The following TCF12 variants were observed in gnomAD, a reference collection of about 807,000 sequenced individuals.
The protein encoded by TCF12 is DNA-binding protein HTF4.
TCF12 carries 45 observed loss-of-function variants against 86.0 expected under a neutral mutation model. That is an observed-to-expected ratio of 0.52 (90% CI 0.41 to 0.67). The LOEUF is 0.67. TCF12 is among the 30% of genes least tolerant of loss of function. TCF12 has a pLI of 0.00. For missense variants in TCF12, 881 were observed against 859.9 expected (o/e 1.02, Z -0.31); for synonymous variants, 330 against 299.6 (o/e 1.10, Z -1.05).
chr15:57,260,735 T>C (rs935232023), intron 16 of TCF12, among the ~76,000 whole-genome samples: 1 of 152,210 alleles, frequency 6.6e-6, no homozygotes, highest in Non-Finnish European at 1.5e-5. Flanking sequence ...CATATCTATT[T>C]TTATAAAATG....
At chr15:57,247,682 A>G (rs2059926724) in intron 13 of TCF12, 1 of 752,616 alleles carries the variant, frequency 1.3e-6, no homozygotes, top group Admixed American at 1.7e-5. Context: ...CCTCACTGTT[A>G]GATGGGCACC....
chr15:56,957,440 G>C (rs1219499836), intron 3 of TCF12, among the ~76,000 whole-genome samples: 1 of 152,006 alleles, frequency 6.6e-6, no homozygotes, highest in Non-Finnish European at 1.5e-5. Flanking sequence ...ATATTGGATT[G>C]TTTCTTTTCC....
At chr15:57,177,002 T>C (rs2055961337) in intron 6 of TCF12, among the ~76,000 whole-genome samples, 1 of 152,126 alleles carries the variant, frequency 6.6e-6, no homozygotes, top group Admixed American at 6.5e-5. Context: ...GCTCTTGGAT[T>C]GATGTGGAAG....
At chr15:57,037,941 T>C (rs1351969200) in intron 3 of TCF12, among the ~76,000 whole-genome samples, 1 of 152,224 alleles carries the variant, frequency 6.6e-6, no homozygotes, top group Non-Finnish European at 1.5e-5. Context: ...TGAAATAAGC[T>C]ATCTTAAAAA....
chr15:57,176,531 G>A (rs8027430), intron 6 of TCF12, among the ~76,000 whole-genome samples: 1 of 152,102 alleles, frequency 6.6e-6, no homozygotes, highest in Non-Finnish European at 1.5e-5. Flanking sequence ...TTTGGTCCCC[G>A]CCATACTCAA....
intron 5 of TCF12, among the ~76,000 whole-genome samples, chr15:57,098,422 C>T (rs1347206415): frequency 3.9e-5 from 6 of 152,146 alleles, no homozygotes; most frequent in Non-Finnish European, 8.8e-5. Context: ...GTACCTTCCT[C>T]CATCTTTTTT....
At chr15:57,280,094 C>A (rs1355184149) in intron 19 of TCF12, among the ~76,000 whole-genome samples, 3 of 151,840 alleles carry the variant, frequency 2.0e-5, no homozygotes, top group Non-Finnish European at 4.4e-5. Context: ...CGGGTTTCAC[C>A]ATGCAGGCTA....
intron 3 of TCF12, among the ~76,000 whole-genome samples, chr15:56,973,040 T>C (rs1026307924): frequency 6.6e-6 from 1 of 152,094 alleles, no homozygotes; most frequent in Non-Finnish European, 1.5e-5. Context: ...AAATATTTTA[T>C]GGGTAATAGA....
chr15:57,070,472 G>A (rs1296574097), intron 4 of TCF12, among the ~76,000 whole-genome samples: 1 of 152,072 alleles, frequency 6.6e-6, no homozygotes, highest in Admixed American at 6.6e-5. Flanking sequence ...TGGGATAAGG[G>A]AAACAAAAAT....
In TCF12 at chr15:57,251,426, A is replaced by G. The variant is rs754844689; in HGVS notation, c.1188+3A>G. The G allele has an allele frequency of 1.2e-6, 2 of 1,613,768 alleles. No homozygotes were observed. The highest frequency in any genetic ancestry group is 1.7e-5 in the Admixed American group (1 of 60,002). ...ATGAAAACTCACTCCACTCCCTGGT[A>G]AGAGCCTCTTATACATCAGTTTTAT... is the stretch of plus-strand genomic sequence containing the variant. On this transcript the variant is annotated splice_donor_region_variant and intron_variant, in intron 14 of 20. Coordinates refer to ENST00000333725, the MANE Select transcript of TCF12 (RefSeq NM_207037.2).
At chr15:57,076,311 T>G (rs1670436690) in intron 4 of TCF12, among the ~76,000 whole-genome samples, 1 of 152,174 alleles carries the variant, frequency 6.6e-6, no homozygotes, top group Non-Finnish European at 1.5e-5. Flanking sequence ...ACTTTTTTAT[T>G]ATTAGATTTC....
intron 3 of TCF12, among the ~76,000 whole-genome samples, chr15:57,033,542 CT>C (rs1284391928): frequency 6.6e-6 from 1 of 151,190 alleles, no homozygotes; most frequent in South Asian, 2.1e-4. Flanking sequence ...AAGATACTGA[CT>C]TTTTTTTTAG....
intron 5 of TCF12, among the ~76,000 whole-genome samples, chr15:57,144,237 T>C (rs1238556807): frequency 2.0e-5 from 3 of 152,032 alleles, no homozygotes; most frequent in African/African-American, 7.2e-5. Flanking sequence ...ACTGAGATGG[T>C]GATTGTTATG....
rs567537001 is a variant in TCF12, at chr15:57,113,107, G to T, written c.325+21216G>T. On this transcript the variant is annotated intron_variant, in intron 5 of 20. Transcript: ENST00000333725. The stretch of plus-strand genomic sequence containing the variant: ...GAAGATCTTCATTTTTCTGGCTCAA[G>T]CTTTGTTTTTTTCTCATCTTCATCT... 2.1e-4 allele frequency among the ~76,000 whole-genome samples: 32 copies of T among 152,252 alleles called. No individual in the cohort carries two copies. In the South Asian group the frequency reaches 4.8e-3, roughly 23 times the overall value.
intron 3 of TCF12, among the ~76,000 whole-genome samples, chr15:57,020,370 G>C (rs955539239): frequency 1.3e-5 from 2 of 152,184 alleles, no homozygotes; most frequent in African/African-American, 2.4e-5. Context: ...TTAAAGTATA[G>C]AAGTGGAGAA....
chr15:56,938,036 G>GT (rs766226471), intron 3 of TCF12, among the ~76,000 whole-genome samples: 9 of 33,772 alleles, frequency 2.7e-4, no homozygotes, highest in African/African-American at 5.6e-4. Context: ...TTTTTTTTTC[G>GT]TTTCTTTTCT....
intron 12 of TCF12, among the ~76,000 whole-genome samples, chr15:57,238,395 G>A (rs1175839731): frequency 6.6e-6 from 1 of 152,072 alleles, no homozygotes; most frequent in African/African-American, 2.4e-5. Context: ...AGGGAAAATC[G>A]GGATTGGTAG....
rs775676003 is a variant in TCF12 at position 57,063,837 on chromosome 15, T to G, written c.222+14T>G. 6.4e-7 allele frequency: 1 copy of G among 1,569,264 alleles called. No individual in the cohort carries two copies. Among genetic ancestry groups the G allele is most frequent in the African/African-American group, 1.3e-5 (1 of 74,416 alleles). On this transcript the variant is annotated intron_variant, in intron 4 of 20. Transcript: ENST00000333725. ...GATTCATCTAGAGTAAGTTTGCTGA[T>G]CAACCCTTGATTAAAGCTGTAATTT...
At chr15:56,960,609 T>C (rs2061703064) in intron 3 of TCF12, among the ~76,000 whole-genome samples, 3 of 151,850 alleles carry the variant, frequency 2.0e-5, no homozygotes, top group Admixed American at 2.0e-4. Flanking sequence ...TTTGTATTTT[T>C]AGTAGAGATG....
Sources: gnomAD v4.1 joint callset for allele counts (sites outside exome capture counted in the v4.1 genomes callset) on GRCh38, gnomAD v4.1.1 for gene constraint, MANE v1.5 for transcripts, NCBI Gene and HGNC (gene_info 2026-07-23, HGNC 2026-07-21) for gene names.